The following RPN1 variants were observed in gnomAD, a reference collection of about 807,000 sequenced individuals.
RPN1 encodes ribophorin I, also known as dolichyl-diphosphooligosaccharide--protein glycosyltransferase subunit 1.
A neutral mutation model predicts 55.5 loss-of-function variants in RPN1; 12 were observed. The observed-to-expected ratio is 0.22, with a 90% CI of 0.14 to 0.35. The LOEUF (loss-of-function observed/expected upper bound fraction) is 0.35, where lower values mean the gene tolerates loss of function less well. RPN1 is among the 10% of genes least tolerant of loss of function. The pLI, the probability that RPN1 is intolerant of heterozygous loss-of-function variation, is 1.00. For missense variants in RPN1, 679 were observed against 761.3 expected (o/e 0.89, Z 1.27); for synonymous variants, 317 against 305.9 (o/e 1.04, Z -0.38).
intron 3 of RPN1, among the ~76,000 whole-genome samples, chr3:128,637,213 G>A (rs1016246268): frequency 6.6e-6 from 1 of 151,908 alleles, no homozygotes; most frequent in Non-Finnish European, 1.5e-5. Context: ...ACTCCAGGCT[G>A]GGCAACAGAG....
intron 2 of RPN1, among the ~76,000 whole-genome samples, chr3:128,639,168 T>C (rs1335078255): frequency 6.6e-6 from 1 of 151,870 alleles, no homozygotes; most frequent in African/African-American, 2.4e-5. Flanking sequence ...AAAACATACA[T>C]AGACCCGGGG....
rs1291797054 is a variant in RPN1, at chr3:128,622,400, C to T, written c.1405G>A (p.Ala469Thr). Residue 469 changes from alanine to threonine, a missense_variant, in exon 9 of 10, where the codon GCA (alanine) becomes ACA (threonine). This residue lies in a region of RPN1 where 306 missense variants were observed against 360.0 expected (regional missense o/e 0.85). Transcript: ENST00000296255. ...CAGGCTACCTTCATCCTGGCTTCTG[C>T]GGCTGGATCCTGAAGGAAGGAGAGG... ...LDFSITKDPA[A>T]EARMKVACIT... 3.1e-6 allele frequency: 5 copies of T among 1,613,970 alleles called. No individual in the cohort carries two copies. Among genetic ancestry groups the T allele is most frequent in the Non-Finnish European group, 3.4e-6 (4 of 1,179,996 alleles).
At chr3:128,645,042 A>G in intron 1 of RPN1, 59 bp from the exon 2 acceptor site, 2 of 963,472 alleles carry the variant, frequency 2.1e-6, no homozygotes, top group South Asian at 1.3e-5. Flanking sequence ...TTTTGAGTCA[A>G]TAATTAACCA....
intron 1 of RPN1, among the ~76,000 whole-genome samples, chr3:128,648,784 C>T (rs1006811154): frequency 1.1e-4 from 17 of 152,108 alleles, no homozygotes; most frequent in Non-Finnish European, 2.4e-4. Context: ...GACTGCAAGT[C>T]TTATACCCAA....
In RPN1 at chr3:128,620,511, C is replaced by A; in HGVS notation, c.1724G>T (p.Gly575Val). ...SAVEAERLVA[G>V]KLKKDTYIEN... is the part of the protein sequence containing the mutation. ...AATGTACGTGTCTTTCTTGAGCTTG[C>A]CAGCCACCAGGCGCTCAGCCTCCAC... is the stretch of plus-strand genomic sequence containing the variant. Residue 575 changes from glycine (G) to valine (V), a missense_variant, in exon 10 of 10, where the codon GGC (glycine) becomes GTC (valine). By Grantham distance (109) the Gly-to-Val change is moderately radical. Transcript: ENST00000296255. The A allele has an allele frequency of 6.2e-7, 1 of 1,614,138 alleles. No homozygotes were observed. Among genetic ancestry groups the A allele is most frequent in the Non-Finnish European group, 8.5e-7 (1 of 1,180,014 alleles).
intron 1 of RPN1, among the ~76,000 whole-genome samples, chr3:128,647,578 G>C (rs111264980): frequency 2.6e-5 from 4 of 151,814 alleles, no homozygotes; most frequent in African/African-American, 9.7e-5. Flanking sequence ...TGTAGTCCTA[G>C]CTACTCAGGG....
intron 8 of RPN1, among the ~76,000 whole-genome samples, chr3:128,624,189 G>C (rs1349357038): frequency 1.3e-5 from 2 of 152,056 alleles, no homozygotes; most frequent in Non-Finnish European, 2.9e-5. Flanking sequence ...ATCTGCATTT[G>C]ATTATAAAAA....
intron 3 of RPN1, among the ~76,000 whole-genome samples, chr3:128,634,688 A>G (rs1449877702): frequency 6.6e-6 from 1 of 151,220 alleles, no homozygotes; most frequent in Non-Finnish European, 1.5e-5. Context: ...TCGGCCTCTC[A>G]AGTAGTTAGA....
At chr3:128,624,036 GCCCCCGCC>G (rs1331861065) in intron 8 of RPN1, among the ~76,000 whole-genome samples, 4 of 151,384 alleles carry the variant, frequency 2.6e-5, no homozygotes, top group Non-Finnish European at 5.9e-5. Context: ...TATTCCTCGA[GCCCCCGCC>G]CCCCCGCATC....
intron 5 of RPN1, among the ~76,000 whole-genome samples, chr3:128,628,816 T>TA (rs1243249231): frequency 6.6e-6 from 1 of 151,994 alleles, no homozygotes; most frequent in Non-Finnish European, 1.5e-5. Flanking sequence ...ACCCCATCTC[T>TA]ACTAAAAATA....
At chr3:128,621,104 C>T (rs1030335092) in intron 9 of RPN1, among the ~76,000 whole-genome samples, 4 of 152,154 alleles carry the variant, frequency 2.6e-5, no homozygotes, top group African/African-American at 7.2e-5. Flanking sequence ...TGAGCCATGG[C>T]GCGCGGCACA....
At position 128,638,009 on chromosome 3, in the gene RPN1, C is replaced by T. The variant is rs1697; in HGVS notation, c.423G>A (p.Pro141=). The T allele has an allele frequency of 0.61, 992,371 of 1,613,688 alleles. 306,403 individuals carry two copies. Among genetic ancestry groups the T allele is most frequent in the East Asian group, 0.79 (35,338 of 44,876 alleles). The change falls in exon 3 of 10, where the codon CCG becomes CCA. Residue 141 remains proline (P), a synonymous_variant. Coordinates refer to ENST00000296255, the MANE Select transcript of RPN1 (RefSeq NM_002950.4). ...VETVYTHVLH[P]YPTQITQSEK... is the part of the protein sequence containing the mutation. The stretch of plus-strand genomic sequence containing the variant: ...CTGACTGGGTGATCTGGGTTGGATA[C>T]GGATGAAGCACATGGGTGTAGACTG...
intron 2 of RPN1, among the ~76,000 whole-genome samples, chr3:128,643,301 T>G (rs1238314775): frequency 1.4e-5 from 2 of 143,548 alleles, no homozygotes; most frequent in Non-Finnish European, 3.0e-5. Flanking sequence ...CACTCCAGTC[T>G]GGGCAACAAG....
intron 2 of RPN1, chr3:128,642,399 G>C (rs2069732682): frequency 6.6e-6 from 1 of 152,042 alleles, no homozygotes; most frequent in Admixed American, 6.6e-5. Context: ...AGATAACACA[G>C]AAAACAAAAA....
At chr3:128,644,479 A>G (rs541926928) in intron 2 of RPN1, 81 of 299,530 alleles carry the variant, frequency 2.7e-4, no homozygotes, top group African/African-American at 1.7e-3. Flanking sequence ...CCCGGTGTCT[A>G]CTAAAAATAC....
intron 4 of RPN1, 80 bp downstream of exon 4, chr3:128,631,868 A>G: frequency 1.4e-6 from 2 of 1,451,216 alleles, no homozygotes; most frequent in Non-Finnish European, 1.9e-6. Context: ...CTAAATATTT[A>G]GCTAGTTTCG....
chr3:128,622,028 G>T, intron 9 of RPN1, 136 bp downstream of exon 9: 2 of 864,032 alleles, frequency 2.3e-6, no homozygotes, highest in Non-Finnish European at 3.6e-6. Context: ...GGCACCACAT[G>T]AAAAGTTATG....
intron 6 of RPN1, 141 bp downstream of exon 6, chr3:128,626,591 GC>G: frequency 1.5e-6 from 1 of 682,834 alleles, no homozygotes; most frequent in Non-Finnish European, 2.5e-6. Flanking sequence ...CTCAAGAGAG[GC>G]CAAGTAGATG....
chr3:128,620,567 T>A lies in RPN1; in HGVS notation c.1668A>T (p.Ala556=), dbSNP rs764195424. 6.2e-7 allele frequency: 1 copy of A among 1,613,682 alleles called. No homozygotes were observed. The highest frequency in any genetic ancestry group is 1.1e-5 in the South Asian group (1 of 90,972). The change falls in exon 10 of 10, where the codon GCA becomes GCT. Residue 556 remains alanine, a synonymous_variant. Transcript: ENST00000296255. ...ACTTCAGCACCAGCTCCTTGACCTGTGCATCCAGCTTCTGCATTTCGCTCA... is the reference window on the plus strand; with the variant it reads ...ACTTCAGCACCAGCTCCTTGACCTGAGCATCCAGCTTCTGCATTTCGCTCA... ...DRVSEMQKLD[A]QVKELVLKSA... is the part of the protein sequence containing the mutation.
Sources: gnomAD v4.1 joint callset for allele counts (sites outside exome capture counted in the v4.1 genomes callset) on GRCh38, gnomAD v4.1.1 for gene constraint, gnomAD v4.1.1 regional missense constraint, MANE v1.5 for transcripts, NCBI Gene and HGNC (gene_info 2026-07-23, HGNC 2026-07-21) for gene names.